DACH2: variants seen among roughly 807,000 people sequenced by gnomAD.
DACH2 encodes the protein dachshund family transcription factor 2.
A neutral mutation model predicts 35.8 loss-of-function variants in DACH2; 17 were observed. The observed-to-expected ratio is 0.48, with a 90% CI of 0.33 to 0.71. The LOEUF (loss-of-function observed/expected upper bound fraction) is 0.71. Among genes scored for constraint, DACH2 ranks in the 30% least tolerant of loss-of-function variants. DACH2 has a pLI of 0.02. For synonymous variants in DACH2, 195 were observed against 177.3 expected (o/e 1.10, Z -0.79); for missense variants, 469 against 472.7 (o/e 0.99, Z 0.07).
chrX:86,246,281 G>A (rs73631917), intron 1 of DACH2, among the ~76,000 whole-genome samples: 2 of 33,773 alleles, frequency 5.9e-5, no homozygotes, highest in Non-Finnish European at 9.2e-5. Flanking sequence ...CCAAACTTGC[G>A]AGAGGTCAAC....
At chrX:86,312,153 T>C (rs1000425964) in intron 1 of DACH2, among the ~76,000 whole-genome samples, 2 of 112,439 alleles carry the variant, frequency 1.8e-5, no homozygotes, top group African/African-American at 3.2e-5. Context: ...GACTGTGTCA[T>C]GAGTATTTCC....
At chrX:86,599,472 T>TTCTTTCTTTCTTTCTTTCTTTCTA (rs2039760146) in intron 3 of DACH2, among the ~76,000 whole-genome samples, 1 of 82,848 alleles carries the variant, frequency 1.2e-5, no homozygotes, top group Non-Finnish European at 2.3e-5. Context: ...CTTCTTTTCT[T>TTCTTTCTTTCTTTCTTTCTTTCTA]TCTTTCTTTC....
At chrX:86,274,455 TTTTTTTTTTC>T (rs1569324594) in intron 1 of DACH2, among the ~76,000 whole-genome samples, 1 of 49,573 alleles carries the variant, frequency 2.0e-5, no homozygotes, top group East Asian at 7.4e-4. Context: ...TAAATCCTTT[TTTTTTTTTTC>T]TTTTTTTTTT....
intron 3 of DACH2, among the ~76,000 whole-genome samples, chrX:86,630,609 A>G (rs2040189798): frequency 9.0e-6 from 1 of 111,268 alleles, no homozygotes; most frequent in Non-Finnish European, 1.9e-5. Context: ...GAAAAAGTTG[A>G]TATAAGACAG....
chrX:86,242,736 AC>A (rs1298625866), intron 1 of DACH2, among the ~76,000 whole-genome samples: 1 of 110,882 alleles, frequency 9.0e-6, no homozygotes, highest in Non-Finnish European at 1.9e-5. Context: ...CAGGGGAGGG[AC>A]CTGGTGGGAG....
intron 1 of DACH2, among the ~76,000 whole-genome samples, chrX:86,299,195 T>C (rs974602719): frequency 3.6e-5 from 4 of 112,585 alleles, no homozygotes; most frequent in African/African-American, 1.3e-4. Context: ...TATTTGTGAA[T>C]ATACAGTATC....
At chrX:86,668,826 G>T (rs974645625) in intron 4 of DACH2, among the ~76,000 whole-genome samples, 1 of 111,411 alleles carries the variant, frequency 9.0e-6, no homozygotes, top group East Asian at 2.8e-4. Flanking sequence ...TTAATTTTAG[G>T]AAACAAGGGT....
chrX:86,713,970 G>T (rs1602837449), intron 5 of DACH2, among the ~76,000 whole-genome samples: 1 of 111,480 alleles, frequency 9.0e-6, no homozygotes. Context: ...TATTTTGATA[G>T]GGGAGTTATT....
chrX:86,315,532 G>C (rs4828143), intron 1 of DACH2, among the ~76,000 whole-genome samples: 19,019 of 110,881 alleles, frequency 0.17, 1,792 homozygotes, highest in African/African-American at 0.35. Flanking sequence ...TGATTCATCT[G>C]ATGGATCAAA....
chrX:86,423,365 C>T (rs777279221), intron 2 of DACH2, among the ~76,000 whole-genome samples: 1 of 111,041 alleles, frequency 9.0e-6, no homozygotes, highest in East Asian at 2.8e-4. Context: ...GCCATTTTAA[C>T]TGGGGTGAGA....
intron 2 of DACH2, among the ~76,000 whole-genome samples, chrX:86,477,639 G>T (rs765026106): frequency 9.1e-6 from 1 of 109,731 alleles, no homozygotes; most frequent in South Asian, 3.9e-4. Context: ...TCTTTTGATT[G>T]CAGTTTATTT....
intron 1 of DACH2, among the ~76,000 whole-genome samples, chrX:86,364,518 A>G (rs1602444068): frequency 1.8e-5 from 2 of 111,364 alleles, no homozygotes. Context: ...TTAACACTTT[A>G]TACAACGTGG....
chrX:86,615,444 C>T (rs1306239617), intron 3 of DACH2, among the ~76,000 whole-genome samples: 1 of 111,392 alleles, frequency 9.0e-6, no homozygotes, highest in Non-Finnish European at 1.9e-5. Context: ...TCCAGATCAC[C>T]TTGGTCTGGT....
intron 3 of DACH2, among the ~76,000 whole-genome samples, chrX:86,594,463 C>A (rs2039687887): frequency 8.9e-6 from 1 of 112,005 alleles, no homozygotes; most frequent in Admixed American, 9.5e-5. Flanking sequence ...TGCTGATCTA[C>A]AAGTTTCTCT....
chrX:86,270,903 C>A (rs908487895), intron 1 of DACH2, among the ~76,000 whole-genome samples: 3 of 111,460 alleles, frequency 2.7e-5, no homozygotes, highest in African/African-American at 6.5e-5. Context: ...GAAATCACTT[C>A]TTTTTAAAAG....
At chrX:86,585,321 T>C (rs1172037185) in intron 3 of DACH2, among the ~76,000 whole-genome samples, 1 of 111,117 alleles carries the variant, frequency 9.0e-6, no homozygotes, top group Non-Finnish European at 1.9e-5. Context: ...CTGTTATTTT[T>C]TGTGCTTTTA....
intron 7 of DACH2, among the ~76,000 whole-genome samples, chrX:86,776,520 A>G (rs1178488011): frequency 8.9e-6 from 1 of 112,252 alleles, no homozygotes; most frequent in Non-Finnish European, 1.9e-5. Flanking sequence ...TTTTCCTTGA[A>G]CAAGTACACT....
intron 1 of DACH2, chrX:86,345,283 G>T (rs193244836): frequency 8.4e-5 from 12 of 143,331 alleles, no homozygotes. Flanking sequence ...CTTTTTCATG[G>T]CCAATAAACC....
chrX:86,357,583 C>T (rs2035663873), intron 1 of DACH2, among the ~76,000 whole-genome samples: 1 of 112,175 alleles, frequency 8.9e-6, no homozygotes, highest in Non-Finnish European at 1.9e-5. Flanking sequence ...TGTTATGTGA[C>T]ATTCTTCGTG....
Sources: allele counts gnomAD v4.1 joint callset (sites outside exome capture counted in the v4.1 genomes callset), GRCh38; gene constraint gnomAD v4.1.1; transcripts MANE v1.5; gene names NCBI Gene and HGNC (gene_info 2026-07-23, HGNC 2026-07-21).